The following EFR3B variants were observed in gnomAD, a reference collection of about 807,000 sequenced individuals.
EFR3B encodes EFR3 homolog B.
Under a neutral mutation model 104.7 loss-of-function variants are expected in EFR3B, and 64 were observed. The observed-to-expected ratio is 0.61, with a 90% CI of 0.50 to 0.75. The LOEUF is 0.75. Among genes scored for constraint, EFR3B ranks in the 30% least tolerant of loss-of-function variants. The probability of loss-of-function intolerance (pLI) is 0.00; values close to 1 mark genes in which losing one functional copy is unlikely to be tolerated. For missense variants in EFR3B, 750 were observed against 1,078.5 expected (o/e 0.70, Z 4.27); for synonymous variants, 385 against 417.9 (o/e 0.92, Z 0.96).
At chr2:25,132,155 C>CA (rs1232706370) in intron 10 of EFR3B, among the ~76,000 whole-genome samples, 5 of 152,214 alleles carry the variant, frequency 3.3e-5, no homozygotes, top group African/African-American at 1.2e-4. Flanking sequence ...GATTGTCCAG[C>CA]ACCCACATGC....
intron 3 of EFR3B, among the ~76,000 whole-genome samples, chr2:25,095,120 C>A (rs1669242354): frequency 6.6e-6 from 1 of 152,068 alleles, no homozygotes; most frequent in South Asian, 2.1e-4. Flanking sequence ...TACAGTCTAC[C>A]TTCACACACA....
intron 18 of EFR3B, among the ~76,000 whole-genome samples, 179 bp from the exon 19 acceptor site, chr2:25,144,781 C>T (rs987557461): frequency 6.6e-6 from 1 of 152,184 alleles, no homozygotes; most frequent in Admixed American, 6.5e-5. Context: ...CTAAGATGGA[C>T]AGAGAAGGCC....
chr2:25,137,569 T>C lies in EFR3B; in HGVS notation c.1722+67T>C, dbSNP rs549329493. On this transcript the variant is annotated intron_variant, in intron 15 of 22. Transcript: ENST00000403714. This position sits in a 1 kb window ranked among gnomAD's most constrained non-coding sequence, Gnocchi z 4.7. ...GGAGGGACTTGTTTTGGGCAAGCCC[T>C]GATAAGAGTATTGACTAGCAACTGC... 709 of 1,543,282 alleles carry C rather than the reference T, an allele frequency of 4.6e-4. 3 individuals carry two copies. The highest frequency in any genetic ancestry group is 1.0e-3 in the Middle Eastern group (6 of 5,856).
intron 4 of EFR3B, among the ~76,000 whole-genome samples, chr2:25,113,411 C>T (rs1484054310): frequency 4.6e-5 from 7 of 152,054 alleles, no homozygotes; most frequent in Non-Finnish European, 4.4e-5. Context: ...CCAGGCCGGG[C>T]GCGGGGGCTC....
intron 4 of EFR3B, among the ~76,000 whole-genome samples, chr2:25,118,811 C>T (rs372600628): frequency 3.9e-4 from 55 of 142,404 alleles, no homozygotes; most frequent in South Asian, 2.5e-3. Context: ...GAGGCCAAGG[C>T]GGGCGGATCA....
chr2:25,104,716 C>T (rs1558603407), intron 4 of EFR3B, among the ~76,000 whole-genome samples: 1 of 152,326 alleles, frequency 6.6e-6, no homozygotes, highest in East Asian at 1.9e-4. Flanking sequence ...GGAAGCAGGA[C>T]ACGGGGCTTC....
rs182392966 is a variant in EFR3B, at chr2:25,116,770, G to A, written c.364-4903G>A. ...TGAGGTTAGCAGCTGTGGCTGACCC[G>A]CTTGGGACAGATTCAGGAGAAACTG... On this transcript the variant is annotated intron_variant, in intron 4 of 22. Transcript: ENST00000403714. Among the ~76,000 whole-genome samples, 189 of 152,140 alleles carry A rather than the reference G, an allele frequency of 1.2e-3. 5 individuals carry two copies. In the East Asian group the frequency reaches 0.033, roughly 27 times the overall value.
chr2:25,091,282 G>A lies in EFR3B; in HGVS notation c.8-43G>A, dbSNP rs754666207. On this transcript the variant is annotated intron_variant, in intron 1 of 22. Coordinates refer to ENST00000403714, the MANE Select transcript of EFR3B (RefSeq NM_014971.2). ...CCTGGCTCCAACCTTTCCTGGGCCC[G>A]ACCAGGAGGCTTTGCTCACAGTTTT... 4.5e-5 allele frequency: 69 copies of A among 1,541,042 alleles called. 1 individual carries two copies. Among genetic ancestry groups the A allele is most frequent in the Middle Eastern group, 1.7e-4 (1 of 5,968 alleles).
chr2:25,045,248 C>G (rs570430876), intron 1 of EFR3B, among the ~76,000 whole-genome samples: 110 of 152,260 alleles, frequency 7.2e-4, no homozygotes, highest in African/African-American at 2.6e-3. Context: ...CGCTGAGCCA[C>G]TTCCCTTTCT....
intron 3 of EFR3B, among the ~76,000 whole-genome samples, chr2:25,100,186 A>G (rs923779519): frequency 2.6e-5 from 4 of 152,192 alleles, no homozygotes; most frequent in African/African-American, 9.6e-5. Flanking sequence ...CCTAAGCAAC[A>G]AGAGCAAAAC....
chr2:25,072,156 C>T (rs980641635), intron 1 of EFR3B, among the ~76,000 whole-genome samples: 2 of 152,262 alleles, frequency 1.3e-5, no homozygotes, highest in Non-Finnish European at 2.9e-5. Context: ...GTTCCAGGCT[C>T]TCAGCTTCTC....
chr2:25,042,498 C>T lies in EFR3B; in HGVS notation c.7+179C>T. On this transcript the variant is annotated intron_variant, in intron 1 of 22. Transcript: ENST00000403714. The surrounding 1 kb of genome is among the most constrained non-coding windows in gnomAD (Gnocchi z 5.4). ...GTCTGCGCTGCGAGGACAAAGATGC[C>T]TCGGGCCGGGGACCCTGGGGTCCTC... The T allele has an allele frequency of 8.3e-7, 1 of 1,207,814 alleles. No individual in the cohort carries two copies. The allele number at this position is 1,207,814 out of a possible 1,614,324, so 74.8% of individuals were successfully genotyped here.
At chr2:25,146,131 T>C (rs1363857564) in intron 19 of EFR3B, 1 of 149,468 alleles carries the variant, frequency 6.7e-6, no homozygotes, top group Non-Finnish European at 1.5e-5. Context: ...TCACAAGAAG[T>C]ACGGAGGACA....
chr2:25,104,444 G>A (rs953784307), intron 4 of EFR3B, among the ~76,000 whole-genome samples: 3 of 152,206 alleles, frequency 2.0e-5, no homozygotes, highest in African/African-American at 7.2e-5. Context: ...CATCTAATGT[G>A]TTTAGCGTTA....
Position 25,139,105 on chromosome 2 carries a change from G to T in EFR3B, c.1769G>T (p.Cys590Phe), listed in dbSNP as rs1194310292. Residue 590 changes from cysteine (C) to phenylalanine (F), a missense_variant, in exon 16 of 23, where the codon TGT (cysteine) becomes TTT (phenylalanine). Coordinates refer to ENST00000403714, the MANE Select transcript of EFR3B (RefSeq NM_014971.2). ...NEENLPVYNRCALYALGAAYL... is the reference protein window; with the variant it reads ...NEENLPVYNRFALYALGAAYL... ...GAGAACTTGCCTGTCTACAACCGCT[G>T]TGCCCTCTATGCTCTGGGCGCAGCC... The T allele has an allele frequency of 6.4e-7, 1 of 1,551,712 alleles. No homozygotes were observed. Among genetic ancestry groups the T allele is most frequent in the East Asian group, 2.4e-5 (1 of 40,924 alleles).
chr2:25,067,192 A>G (rs182681968), intron 1 of EFR3B, among the ~76,000 whole-genome samples: 98 of 152,148 alleles, frequency 6.4e-4, no homozygotes, highest in Non-Finnish European at 1.1e-3. Context: ...TGGCTACCAT[A>G]TTGGGTAGTG....
intron 4 of EFR3B, among the ~76,000 whole-genome samples, chr2:25,115,681 T>C (rs1476566768): frequency 1.3e-5 from 2 of 152,212 alleles, no homozygotes; most frequent in African/African-American, 4.8e-5. Flanking sequence ...CAGGTGGGTC[T>C]AAATGCAATC....
intron 1 of EFR3B, among the ~76,000 whole-genome samples, chr2:25,044,350 T>A (rs547756933): frequency 2.0e-4 from 31 of 152,324 alleles, no homozygotes; most frequent in African/African-American, 7.5e-4. Flanking sequence ...CGTATATTCC[T>A]GACTTTCATG....
intron 1 of EFR3B, among the ~76,000 whole-genome samples, chr2:25,079,526 G>C (rs563178069): frequency 1.4e-4 from 21 of 152,130 alleles, no homozygotes; most frequent in Non-Finnish European, 2.5e-4. Context: ...TATTTGTAAA[G>C]TGCTTGTCCT....
Sources: allele counts gnomAD v4.1 joint callset (sites outside exome capture counted in the v4.1 genomes callset), GRCh38; gene constraint gnomAD v4.1.1; non-coding constraint Gnocchi (gnomAD v3.1); transcripts MANE v1.5; gene names NCBI Gene and HGNC (gene_info 2026-07-23, HGNC 2026-07-21).